CPXM2: variants seen among roughly 807,000 people sequenced by gnomAD.
The protein encoded by CPXM2 is inactive carboxypeptidase-like protein X2.
In CPXM2, 66 loss-of-function variants were observed where a neutral mutation model predicts 86.1. The observed-to-expected ratio is 0.77, with a 90% CI of 0.63 to 0.94. The LOEUF (loss-of-function observed/expected upper bound fraction) is 0.94. Ranked by LOEUF, CPXM2 falls within the 40% of genes least tolerant of loss-of-function variation. The probability of loss-of-function intolerance (pLI) is 0.00; values close to 1 mark genes in which losing one functional copy is unlikely to be tolerated. For missense variants in CPXM2, 948 were observed against 1,026.3 expected (o/e 0.92, Z 1.04); for synonymous variants, 388 against 400.2 (o/e 0.97, Z 0.36).
chr10:123,829,518 G>T (rs1435174282), intron 4 of CPXM2, among the ~76,000 whole-genome samples: 1 of 151,760 alleles, frequency 6.6e-6, no homozygotes, highest in Non-Finnish European at 1.5e-5. Context: ...GGAGTAAAAA[G>T]AAATATCTGA....
rs943984415 is a variant in CPXM2 at position 123,891,213 on chromosome 10, T to C, written c.304+143A>G. 1.5e-6 allele frequency: 1 copy of C among 682,272 alleles called. No homozygotes were observed. Among genetic ancestry groups the C allele is most frequent in the Non-Finnish European group, 2.4e-6 (1 of 424,528 alleles). The allele number at this position is 682,272 out of a possible 1,614,324, so 42.3% of individuals were successfully genotyped here. A position where few individuals can be genotyped will look rare whatever the true frequency, so the allele number is the denominator to read the frequency against. On this transcript the variant is annotated intron_variant, in intron 1 of 13. Coordinates refer to ENST00000241305, the MANE Select transcript of CPXM2 (RefSeq NM_198148.3). This position sits in a 1 kb window ranked among gnomAD's most constrained non-coding sequence, Gnocchi z 5.6. ...GGGCCGGCAGGAAGCGCAGATACAG[T>C]CCCTAGGGAGGCAGAGGCGGCAACA...
chr10:123,826,381 A>G (rs1470082129), intron 4 of CPXM2, among the ~76,000 whole-genome samples: 1 of 152,212 alleles, frequency 6.6e-6, no homozygotes, highest in African/African-American at 2.4e-5. Context: ...TGCTACTAAC[A>G]GCAGAAGAAA....
intron 2 of CPXM2, among the ~76,000 whole-genome samples, chr10:123,913,418 T>C (rs1391856445): frequency 6.6e-6 from 1 of 152,188 alleles, no homozygotes; most frequent in Non-Finnish European, 1.5e-5. Flanking sequence ...AATGATTGTT[T>C]AGGGGGCATT....
chr10:123,784,080 A>C (rs1423140032), intron 6 of CPXM2, among the ~76,000 whole-genome samples: 1 of 152,110 alleles, frequency 6.6e-6, no homozygotes, highest in African/African-American at 2.4e-5. Context: ...AGTGCTTGAG[A>C]GTGTGACCTT....
chr10:123,851,380 T>C (rs1848594230), intron 3 of CPXM2, among the ~76,000 whole-genome samples: 1 of 152,168 alleles, frequency 6.6e-6, no homozygotes, highest in Non-Finnish European at 1.5e-5. Flanking sequence ...GCAGATATAT[T>C]GGGCATACAG....
chr10:123,942,083 G>A (rs893656852), upstream of CPXM2, among the ~76,000 whole-genome samples: 2 of 152,206 alleles, frequency 1.3e-5, no homozygotes, highest in African/African-American at 4.8e-5. Context: ...TTTGTAAGTT[G>A]CAGAAAACTT....
Position 123,779,607 on chromosome 10 carries a change from T to G in CPXM2, c.978+560A>C, listed in dbSNP as rs112941971. ...GAGACGGGGCTCAATTATCAGTAGC[T>G]TCACAAATTTTCCCAGGTGATTCCA... On this transcript the variant is annotated intron_variant, in intron 7 of 13. Transcript: ENST00000241305. Among the ~76,000 whole-genome samples the G allele has an allele frequency of 1.8e-3, 281 of 152,318 alleles. 3 individuals are homozygous for G. Among genetic ancestry groups the G allele is most frequent in the African/African-American group, 6.4e-3 (268 of 41,572 alleles).
At chr10:123,895,244 C>T (rs1945327640), upstream of CPXM2, among the ~76,000 whole-genome samples, 1 of 151,436 alleles carries the variant, frequency 6.6e-6, no homozygotes, top group Admixed American at 6.6e-5. Flanking sequence ...CTGCCACAGC[C>T]TCCCAAGTAG....
At chr10:123,925,597 A>T (rs951881018) in intron 2 of CPXM2, among the ~76,000 whole-genome samples, 4 of 152,226 alleles carry the variant, frequency 2.6e-5, no homozygotes, top group African/African-American at 9.6e-5. Flanking sequence ...TGTAAGTTGC[A>T]TACATCCAAC....
chr10:123,909,023 T>C (rs1945467111), intron 2 of CPXM2, among the ~76,000 whole-genome samples: 1 of 152,244 alleles, frequency 6.6e-6, no homozygotes, highest in African/African-American at 2.4e-5. Flanking sequence ...GTGAATACTT[T>C]GTAATAACCT....
chr10:123,751,496 C>T (rs946861294), intron 13 of CPXM2: 13 of 984,456 alleles, frequency 1.3e-5, no homozygotes, highest in Admixed American at 6.2e-5. Flanking sequence ...ATCTCCTATA[C>T]GTGGGCAGAA....
chr10:123,884,740 GTCTCTCTT>G (rs1225113583), intron 1 of CPXM2, among the ~76,000 whole-genome samples: 3 of 151,944 alleles, frequency 2.0e-5, no homozygotes, highest in Non-Finnish European at 1.5e-5. Flanking sequence ...TTCTCTCTCT[GTCTCTCTT>G]TCTCTCTCTC....
intron 4 of CPXM2, among the ~76,000 whole-genome samples, chr10:123,840,274 C>T (rs1327843580): frequency 1.3e-5 from 2 of 152,196 alleles, no homozygotes; most frequent in African/African-American, 4.8e-5. Context: ...TAATAAGCTA[C>T]TGCTAAAAGC....
chr10:123,914,239 C>T (rs757763604), intron 2 of CPXM2: 3 of 367,274 alleles, frequency 8.2e-6, no homozygotes, highest in Non-Finnish European at 1.6e-5. Flanking sequence ...CCACATCGAG[C>T]ACATTAACCA....
intron 2 of CPXM2, among the ~76,000 whole-genome samples, chr10:123,867,631 C>G (rs1435725898): frequency 6.8e-6 from 1 of 148,008 alleles, no homozygotes; most frequent in African/African-American, 2.5e-5. Context: ...CTCCCAGGTT[C>G]AAGCAATTCT....
rs1195708157 is a variant in CPXM2, at chr10:123,849,154, CTTTGT to C, written c.514-6671_514-6667del. Among the ~76,000 whole-genome samples the C allele has an allele frequency of 3.9e-5, 6 of 152,034 alleles. No homozygotes were observed. The East Asian group carries it at 7.7e-4, about 20-fold the overall frequency. ...ATTCTATTTTTATTGCTTCCTGTGG[CTTTGT>C]TTTATTTTTATCTATTGATCGGTTT... On this transcript the variant is annotated intron_variant, in intron 3 of 13. Transcript: ENST00000241305.
At chr10:123,794,477 T>C (rs547455683) in intron 6 of CPXM2, among the ~76,000 whole-genome samples, 2 of 152,264 alleles carry the variant, frequency 1.3e-5, no homozygotes, top group Middle Eastern at 6.8e-3. Context: ...CCAGGCAGCA[T>C]GTAATGCAGT....
intron 4 of CPXM2, among the ~76,000 whole-genome samples, chr10:123,819,511 G>A (rs560688934): frequency 1.3e-5 from 2 of 152,272 alleles, no homozygotes; most frequent in South Asian, 4.2e-4. Context: ...TCCTTCTTTT[G>A]TTAAAAACAT....
intron 4 of CPXM2, among the ~76,000 whole-genome samples, chr10:123,842,020 C>T (rs189313550): frequency 5.3e-5 from 8 of 152,332 alleles, no homozygotes; most frequent in Non-Finnish European, 8.8e-5. Context: ...TGGGCTGTGC[C>T]CTGGCCACCA....
Sources: allele counts gnomAD v4.1 joint callset (sites outside exome capture counted in the v4.1 genomes callset), GRCh38; gene constraint gnomAD v4.1.1; non-coding constraint Gnocchi (gnomAD v3.1); transcripts MANE v1.5; gene names NCBI Gene and HGNC (gene_info 2026-07-23, HGNC 2026-07-21).